The following SH3RF2 variants were observed in gnomAD, a reference collection of about 807,000 sequenced individuals.
SH3RF2 encodes the protein E3 ubiquitin-protein ligase SH3RF2.
Under a neutral mutation model 59.0 loss-of-function variants are expected in SH3RF2, and 43 were observed. The ratio of observed to expected loss-of-function variants is 0.73; its 90% confidence interval spans 0.57 to 0.94. The LOEUF is 0.94. Ranked by LOEUF, SH3RF2 falls within the 40% of genes least tolerant of loss-of-function variation. The pLI is 0.00. For missense variants in SH3RF2, 930 were observed against 940.1 expected (o/e 0.99, Z 0.14); for synonymous variants, 391 against 391.5 (o/e 1.00, Z 0.01).
intron 2 of SH3RF2, among the ~76,000 whole-genome samples, chr5:145,939,935 G>T (rs892579933): frequency 6.6e-6 from 1 of 152,132 alleles, no homozygotes; most frequent in Admixed American, 6.5e-5. Flanking sequence ...TATTTTTGTT[G>T]TGGTTTACAT....
At chr5:145,946,783 T>G (rs1458511258) in intron 2 of SH3RF2, among the ~76,000 whole-genome samples, 2 of 152,128 alleles carry the variant, frequency 1.3e-5, no homozygotes, top group African/African-American at 4.8e-5. Context: ...AACTGACACT[T>G]AGTCATAGGG....
intron 5 of SH3RF2, among the ~76,000 whole-genome samples, chr5:146,029,316 G>A (rs1761658644): frequency 6.6e-6 from 1 of 152,224 alleles, no homozygotes; most frequent in Admixed American, 6.5e-5. Flanking sequence ...TGCCCAAGCA[G>A]TGGGAGTAGT....
chr5:145,970,711 T>C (rs749977305), intron 2 of SH3RF2, among the ~76,000 whole-genome samples: 1 of 152,200 alleles, frequency 6.6e-6, no homozygotes, highest in African/African-American at 2.4e-5. Flanking sequence ...TATTCTGTTA[T>C]AGCAGCACAA....
chr5:145,985,142 C>A (rs1458802871), intron 2 of SH3RF2, among the ~76,000 whole-genome samples: 1 of 151,462 alleles, frequency 6.6e-6, no homozygotes, highest in Non-Finnish European at 1.5e-5. Flanking sequence ...GACAACAGAG[C>A]AAGACCCTGT....
At chr5:146,073,334 A>T (rs1191154317) in intron 9 of SH3RF2, among the ~76,000 whole-genome samples, 1 of 152,268 alleles carries the variant, frequency 6.6e-6, no homozygotes, top group Non-Finnish European at 1.5e-5. Context: ...CAAGCACATT[A>T]GTGTTGCCCC....
At chr5:145,987,953 T>C (rs1759779397) in intron 2 of SH3RF2, among the ~76,000 whole-genome samples, 1 of 152,230 alleles carries the variant, frequency 6.6e-6, no homozygotes, top group African/African-American at 2.4e-5. Flanking sequence ...AAGATCACCT[T>C]CACTTTCAGT....
intron 3 of SH3RF2, among the ~76,000 whole-genome samples, chr5:146,001,947 G>A (rs1760433664): frequency 1.3e-5 from 2 of 152,202 alleles, no homozygotes; most frequent in African/African-American, 4.8e-5. Flanking sequence ...TCCCAAAGCT[G>A]TTCTTTTCCT....
intron 2 of SH3RF2, among the ~76,000 whole-genome samples, chr5:145,953,043 T>C (rs1323918312): frequency 6.6e-6 from 1 of 151,860 alleles, no homozygotes; most frequent in Non-Finnish European, 1.5e-5. Flanking sequence ...CTATTGGAAG[T>C]GAAGCTGAAT....
intron 2 of SH3RF2, among the ~76,000 whole-genome samples, chr5:145,955,429 G>T (rs1265569662): frequency 6.6e-6 from 1 of 152,132 alleles, no homozygotes; most frequent in African/African-American, 2.4e-5. Context: ...AGGGGGATAA[G>T]GATTGAAAAA....
At chr5:146,033,165 TTA>T (rs1280882598) in intron 5 of SH3RF2, among the ~76,000 whole-genome samples, 2 of 147,744 alleles carry the variant, frequency 1.4e-5, no homozygotes, top group Non-Finnish European at 1.5e-5. Context: ...GTTGTGAGGA[TTA>T]TATGAGATAA....
chr5:145,981,532 A>G (rs1759506784), intron 2 of SH3RF2, among the ~76,000 whole-genome samples: 1 of 151,964 alleles, frequency 6.6e-6, no homozygotes, highest in African/African-American at 2.4e-5. Context: ...CCTTTTTCCC[A>G]TGCAGTTTAT....
intron 2 of SH3RF2, among the ~76,000 whole-genome samples, chr5:145,971,871 A>AATGATGATG (rs148965709): frequency 4.6e-5 from 7 of 150,610 alleles, no homozygotes; most frequent in South Asian, 4.2e-4. Context: ...TAATAGTGAT[A>AATGATGATG]ATGATGATGA....
At chr5:146,029,136 C>T (rs1227462607) in intron 5 of SH3RF2, among the ~76,000 whole-genome samples, 2 of 152,230 alleles carry the variant, frequency 1.3e-5, no homozygotes, top group East Asian at 3.8e-4. Flanking sequence ...AGACCCAGTG[C>T]CACAGTCTTA....
intron 2 of SH3RF2, among the ~76,000 whole-genome samples, chr5:145,991,863 C>G (rs1358538586): frequency 6.6e-6 from 1 of 152,088 alleles, no homozygotes; most frequent in Non-Finnish European, 1.5e-5. Flanking sequence ...AAGCCTATAG[C>G]CTATGTCAAA....
intron 8 of SH3RF2, among the ~76,000 whole-genome samples, chr5:146,057,761 G>C (rs1382655518): frequency 6.6e-6 from 1 of 151,994 alleles, no homozygotes; most frequent in Non-Finnish European, 1.5e-5. Context: ...GCAATATAGT[G>C]AGACCTCATC....
chr5:145,939,138 G>A (rs1416516663), intron 2 of SH3RF2, among the ~76,000 whole-genome samples: 1 of 152,162 alleles, frequency 6.6e-6, no homozygotes, highest in Non-Finnish European at 1.5e-5. Context: ...AATGTGTAAG[G>A]GCACATCTGG....
At chr5:145,957,913 G>T (rs969788560) in intron 2 of SH3RF2, among the ~76,000 whole-genome samples, 5 of 152,158 alleles carry the variant, frequency 3.3e-5, no homozygotes, top group Non-Finnish European at 7.4e-5. Flanking sequence ...AGGAGTTTGA[G>T]ACCAGCCTGG....
chr5:146,080,179 A>C (rs1763400123), exon 10 of SH3RF2: 1 of 152,184 alleles, frequency 6.6e-6, no homozygotes, highest in South Asian at 2.1e-4. Context: ...TCAACCCAGA[A>C]ATGTGCAGTA....
intron 2 of SH3RF2, among the ~76,000 whole-genome samples, chr5:145,984,076 G>T (rs187507737): frequency 5.1e-4 from 77 of 152,048 alleles, no homozygotes; most frequent in Non-Finnish European, 9.1e-4. Flanking sequence ...TCTTCCATTT[G>T]TTTGTTTAAC....
Sources: allele counts gnomAD v4.1 joint callset (sites outside exome capture counted in the v4.1 genomes callset), GRCh38; gene constraint gnomAD v4.1.1; transcripts MANE v1.5; gene names NCBI Gene and HGNC (gene_info 2026-07-23, HGNC 2026-07-21).